The following KIF1C variants were observed in gnomAD, a reference collection of about 807,000 sequenced individuals.
The protein encoded by KIF1C is kinesin family member 1C.
Under a neutral mutation model 126.5 loss-of-function variants are expected in KIF1C, and 61 were observed. The ratio of observed to expected loss-of-function variants is 0.48; its 90% CI spans 0.39 to 0.60. The LOEUF (loss-of-function observed/expected upper bound fraction) is 0.60. Among genes scored for constraint, KIF1C ranks in the 20% least tolerant of loss-of-function variants. KIF1C has a pLI of 0.00. For synonymous variants in KIF1C, 640 were observed against 580.6 expected, an observed-to-expected ratio of 1.10 and a Z score of -1.47; for missense variants, 1,315 against 1,489.2, an observed-to-expected ratio of 0.88 and a Z score of 1.93.
At chr17:5,000,035 A>G in intron 2 of KIF1C, 65 bp downstream of exon 2, 1 of 564,164 alleles carries the variant, frequency 1.8e-6, no homozygotes, top group Non-Finnish European at 3.2e-6. Context: ...AGGCAGAAAT[A>G]CCTTTGGGAG....
intron 16 of KIF1C, among the ~76,000 whole-genome samples, chr17:5,009,583 T>C (rs1490310565): frequency 6.6e-6 from 1 of 151,534 alleles, no homozygotes; most frequent in African/African-American, 2.4e-5. Context: ...GGTCAGGAGA[T>C]TGAGACCATC....
chr17:5,007,249 C>T lies in KIF1C; in HGVS notation c.1336-14C>T. 3 of 1,602,424 alleles carry T rather than the reference C, an allele frequency of 1.9e-6. No homozygotes were observed. Among genetic ancestry groups the T allele is most frequent in the South Asian group, 1.1e-5 (1 of 89,780 alleles). On this transcript the variant is annotated splice_polypyrimidine_tract_variant and intron_variant, in intron 14 of 22. Coordinates refer to ENST00000320785, the MANE Select transcript of KIF1C (RefSeq NM_006612.6). The stretch of plus-strand genomic sequence containing the variant: ...CCCAGACCATCCTGAAACCTACCCA[C>T]CTTACGCCCCCAGGAGACAGAGAAG...
At chr17:5,003,028 G>A (rs559295200) in intron 8 of KIF1C, among the ~76,000 whole-genome samples, 186 bp downstream of exon 8, 1 of 149,818 alleles carries the variant, frequency 6.7e-6, no homozygotes, top group South Asian at 2.1e-4. Context: ...CCCCTCTACT[G>A]TTTGCTTGTC....
intron 1 of KIF1C, among the ~76,000 whole-genome samples, 178 bp downstream of exon 1, chr17:4,998,334 G>T (rs1487243177): frequency 6.6e-6 from 1 of 152,188 alleles, no homozygotes; most frequent in Non-Finnish European, 1.5e-5. Context: ...GGCTGGACAG[G>T]AGGACGGGTC....
At chr17:5,002,318 G>A (rs1489529157) in intron 6 of KIF1C, 146 bp from the exon 7 acceptor site, 12 of 937,328 alleles carry the variant, frequency 1.3e-5, no homozygotes, top group Non-Finnish European at 1.5e-5. Context: ...TGGCTTGTTG[G>A]GCAGGTCGCT....
chr17:5,009,740 A>G (rs996090665), intron 16 of KIF1C, among the ~76,000 whole-genome samples: 3 of 149,168 alleles, frequency 2.0e-5, no homozygotes, highest in Non-Finnish European at 4.5e-5. Context: ...GTGAGCTGAG[A>G]TCGCACCACT....
At chr17:5,000,106 G>T (rs913789574) in intron 2 of KIF1C, 114 bp from the exon 3 acceptor site, 4 of 635,152 alleles carry the variant, frequency 6.3e-6, no homozygotes, top group Admixed American at 5.1e-5. Flanking sequence ...GTCCTTGAGA[G>T]GCTGGGTGGC....
chr17:5,001,423 G>T (rs755087768), intron 5 of KIF1C, 22 bp downstream of exon 5: 43 of 1,609,752 alleles, frequency 2.7e-5, no homozygotes, highest in Non-Finnish European at 3.4e-5. Context: ...ACCTGGTGGG[G>T]CAGCCAGGGC....
chr17:5,011,036 C>T (rs1974854666), intron 16 of KIF1C, among the ~76,000 whole-genome samples: 1 of 152,054 alleles, frequency 6.6e-6, no homozygotes, highest in African/African-American at 2.4e-5. Context: ...GCCCATTTCC[C>T]CTCGCCCTTT....
chr17:5,000,126 G>A lies in KIF1C; in HGVS notation c.-27-94G>A, dbSNP rs1597837809. 5.8e-6 allele frequency: 4 copies of A among 688,196 alleles called. No homozygotes were observed. In the East Asian group the frequency reaches 1.1e-4, roughly 19 times the overall value. The allele number at this position is 688,196 out of a possible 1,614,324, so 42.6% of individuals were successfully genotyped here. On this transcript the variant is annotated intron_variant, in intron 2 of 22. Transcript: ENST00000320785. ...TGAGAGGCTGGGTGGCTCTGGGGGA[G>A]ATGTGAAGAGACTGGTTCCGGGAAG...
rs1311084582 is a variant in KIF1C at position 5,028,230 on chromosome 17, T to C, written c.*4079T>C. 5 of 152,232 alleles carry C rather than the reference T, an allele frequency of 3.3e-5. No homozygotes were observed. The highest frequency in any genetic ancestry group is 4.8e-5 in the African/African-American group (2 of 41,462). The allele number at this position is 152,232 out of a possible 1,614,324, so 9.4% of individuals were successfully genotyped here. On this transcript the variant is annotated 3_prime_UTR_variant, in exon 23 of 23. Coordinates refer to ENST00000320785, the MANE Select transcript of KIF1C (RefSeq NM_006612.6). Reference sequence around the variant, plus strand: ...ATCCTTGGTTTTCTTGGAAATTAATTTGCTTTTCTTCATTGTCTTTCTTTG... The same window carrying C: ...ATCCTTGGTTTTCTTGGAAATTAATCTGCTTTTCTTCATTGTCTTTCTTTG...
At chr17:5,015,736 C>T (rs1974958642) in intron 18 of KIF1C, among the ~76,000 whole-genome samples, 1 of 151,798 alleles carries the variant, frequency 6.6e-6, no homozygotes, top group Admixed American at 6.6e-5. Flanking sequence ...GCTGGGATTA[C>T]AGGCACGCGC....
At chr17:5,009,848 T>C (rs978046505) in intron 16 of KIF1C, among the ~76,000 whole-genome samples, 9 of 151,944 alleles carry the variant, frequency 5.9e-5, no homozygotes, top group African/African-American at 2.2e-4. Context: ...TTATAACACA[T>C]GTACAGGCAT....
Position 5,013,704 on chromosome 17 carries a change from C to G in KIF1C, c.1543C>G (p.Leu515Val). 1 of 1,613,872 alleles carries G rather than the reference C, an allele frequency of 6.2e-7. No homozygotes were observed. The highest frequency in any genetic ancestry group is 8.5e-7 in the Non-Finnish European group (1 of 1,179,824). ...AGACCCTCTGATGTCTGAGTGTCTG[C>G]TCTACCACATCAAAGATGGCGTCAC... ...NEDPLMSECL[L>V]YHIKDGVTRV... The change falls in exon 17 of 23, where the codon CTC (leucine) becomes GTC (valine). Residue 515 changes from leucine (L) to valine (V), a missense_variant. By Grantham distance (32) the Leu-to-Val change is conservative. Around this residue, in one of 2 missense-constraint regions of KIF1C, gnomAD observed 874 missense variants for 1,053.2 expected, o/e 0.83. Transcript: ENST00000320785.
In KIF1C at chr17:5,023,717, G is replaced by T. The variant is rs757104315; in HGVS notation, c.2878G>T (p.Gly960Trp). The T allele has an allele frequency of 1.9e-6, 3 of 1,550,412 alleles. No individual in the cohort carries two copies. The highest frequency in any genetic ancestry group is 2.6e-6 in the Non-Finnish European group (3 of 1,150,426). ...QGLQGSGGRG[G>W]GLRRPPARFV... ...ACTGCAGGGCTCTGGGGGCCGGGGC[G>T]GGGGGCTGCGCAGGCCCCCAGCCCG... The change falls in exon 23 of 23, where the codon GGG becomes TGG. Residue 960 changes from glycine to tryptophan, a missense_variant. By Grantham distance (184) the Gly-to-Trp change is radical (BLOSUM62 -2). This residue lies in a region of KIF1C where 441 missense variants were observed against 436.1 expected (regional missense o/e 1.01). Coordinates refer to ENST00000320785, the MANE Select transcript of KIF1C (RefSeq NM_006612.6). The surrounding 1 kb of genome is among the most constrained non-coding windows in gnomAD (Gnocchi z 4.2).
chr17:5,014,913 G>C (rs1974940934), intron 18 of KIF1C, 76 bp downstream of exon 18: 3 of 1,259,192 alleles, frequency 2.4e-6, no homozygotes, highest in Non-Finnish European at 3.4e-6. Context: ...GAACTCAGAG[G>C]TCTGGGTTGG....
At chr17:5,011,407 C>T (rs1192820005) in intron 16 of KIF1C, among the ~76,000 whole-genome samples, 1 of 152,176 alleles carries the variant, frequency 6.6e-6, no homozygotes, top group Non-Finnish European at 1.5e-5. Flanking sequence ...CAGGACCAGA[C>T]CCTGGGGCTC....
In KIF1C at chr17:5,024,347, G is replaced by A. The variant is rs1975166213; in HGVS notation, c.*196G>A. On this transcript the variant is annotated 3_prime_UTR_variant, in exon 23 of 23. Coordinates refer to ENST00000320785, the MANE Select transcript of KIF1C (RefSeq NM_006612.6). ...GGAAGAGGGCACGGAGTTGCCAGGA[G>A]CAAACCAAAGTGAAGAGAGAGATAG... 1 of 476,846 alleles carries A rather than the reference G, an allele frequency of 2.1e-6. No individual in the cohort carries two copies. The highest frequency in any genetic ancestry group is 3.7e-6 in the Non-Finnish European group (1 of 270,866). The allele number at this position is 476,846 out of a possible 1,614,324, so 29.5% of individuals were successfully genotyped here.
At position 5,003,679 on chromosome 17, in the gene KIF1C, T is replaced by C; in HGVS notation, c.788T>C (p.Met263Thr). The C allele has an allele frequency of 6.2e-7, 1 of 1,613,424 alleles. No individual in the cohort carries two copies. The highest frequency in any genetic ancestry group is 1.1e-5 in the South Asian group (1 of 90,998). ...GCCGACTCCTCAGGGGCCCGGGGCATGCGCCTGAAGGTGAGGGGCCTTCAG... is the reference window on the plus strand; with the variant it reads ...GCCGACTCCTCAGGGGCCCGGGGCACGCGCCTGAAGGTGAGGGGCCTTCAG... ...ERADSSGARG[M>T]RLKEGANINK... The change falls in exon 9 of 23, where the codon ATG becomes ACG. Residue 263 changes from methionine (M) to threonine (T), a missense_variant. Physicochemically the swap from Met to Thr is moderately conservative, Grantham distance 81. This residue lies in a region of KIF1C where 874 missense variants were observed against 1,053.2 expected (regional missense o/e 0.83). Transcript: ENST00000320785.
Sources: gnomAD v4.1 joint callset for allele counts (sites outside exome capture counted in the v4.1 genomes callset) on GRCh38, gnomAD v4.1.1 for gene constraint, gnomAD v4.1.1 regional missense constraint, Gnocchi (gnomAD v3.1) non-coding constraint, MANE v1.5 for transcripts, NCBI Gene and HGNC (gene_info 2026-07-23, HGNC 2026-07-21) for gene names.